The following ABI3BP variants were observed in gnomAD, a reference collection of about 807,000 sequenced individuals.
The protein encoded by ABI3BP is ABI family member 3 binding protein.
In ABI3BP, 216 loss-of-function variants were observed where a neutral mutation model predicts 268.6. The observed-to-expected ratio is 0.80, with a 90% CI of 0.72 to 0.90. ABI3BP has a LOEUF of 0.90. ABI3BP is among the 40% of genes least tolerant of loss of function. The probability of loss-of-function intolerance (pLI) is 0.00; values close to 1 mark genes in which losing one functional copy is unlikely to be tolerated. For synonymous variants in ABI3BP, 730 were observed against 730.0 expected (o/e 1.00, Z 0.00); for missense variants, 2,090 against 2,182.4 (o/e 0.96, Z 0.84).
At chr3:100,902,337 A>C (rs1469095081) in intron 3 of ABI3BP, among the ~76,000 whole-genome samples, 1 of 152,212 alleles carries the variant, frequency 6.6e-6, no homozygotes, top group Middle Eastern at 3.2e-3. Flanking sequence ...TTAATCCTCA[A>C]GGACAACCCT....
At chr3:100,879,891 C>T (rs1162237912) in intron 6 of ABI3BP, among the ~76,000 whole-genome samples, 1 of 152,150 alleles carries the variant, frequency 6.6e-6, no homozygotes, top group Non-Finnish European at 1.5e-5. Flanking sequence ...TATGTCTCTG[C>T]CAACACCTCT....
intron 4 of ABI3BP, 110 bp from the exon 5 acceptor site, chr3:100,886,433 A>G (rs1194670144): frequency 2.7e-6 from 2 of 745,028 alleles, no homozygotes; most frequent in East Asian, 6.6e-5. Flanking sequence ...ACTATTTAAT[A>G]TTGGCTTCTC....
intron 51 of ABI3BP, among the ~76,000 whole-genome samples, chr3:100,798,454 C>T (rs1385500852): frequency 2.6e-5 from 4 of 151,954 alleles, no homozygotes; most frequent in South Asian, 2.1e-4. Context: ...AACAAGAGCA[C>T]GGTCCCTAAA....
chr3:100,770,066 G>A (rs2096492379), intron 62 of ABI3BP, among the ~76,000 whole-genome samples: 1 of 152,156 alleles, frequency 6.6e-6, no homozygotes, highest in Non-Finnish European at 1.5e-5. Context: ...CCAGGTACAT[G>A]GCAGGAACTT....
At position 100,810,406 on chromosome 3, in the gene ABI3BP, A is replaced by G. The variant is rs2097832443; in HGVS notation, c.3607+6T>C. 6.5e-7 allele frequency: 1 copy of G among 1,530,684 alleles called. No individual in the cohort carries two copies. Among genetic ancestry groups the G allele is most frequent in the East Asian group, 2.4e-5 (1 of 40,876 alleles). The allele number at this position is 1,530,684 out of a possible 1,614,324, so 94.8% of individuals were successfully genotyped here. The stretch of plus-strand genomic sequence containing the variant: ...TCATATATGACATACAAAATAATGT[A>G]TTTACCAGGTTCAGTCTGAGGCTCA... On this transcript the variant is annotated splice_donor_region_variant and intron_variant, in intron 49 of 67. Coordinates refer to ENST00000471714, the MANE Select transcript of ABI3BP (RefSeq NM_001375547.2).
chr3:100,796,557 A>C, intron 51 of ABI3BP, 89 bp from the exon 52 acceptor site: 1 of 973,934 alleles, frequency 1.0e-6, no homozygotes. Context: ...CCCAGAAAGC[A>C]TGAATGAAGC....
At chr3:100,785,049 A>G (rs7652511) in intron 57 of ABI3BP, among the ~76,000 whole-genome samples, 15,777 of 152,208 alleles carry the variant, frequency 0.1, 1,311 homozygotes, top group African/African-American at 0.22. Flanking sequence ...CCCAAAAACC[A>G]TTGAAATAAA....
At chr3:100,925,436 A>AAAT (rs34545332) in intron 2 of ABI3BP, among the ~76,000 whole-genome samples, 1 of 151,786 alleles carries the variant, frequency 6.6e-6, no homozygotes, top group African/African-American at 2.4e-5. Context: ...TTTATTTGAC[A>AAAT]GAGTCTCACT....
chr3:100,792,832 A>C, intron 54 of ABI3BP, 64 bp from the exon 55 acceptor site: 1 of 1,384,792 alleles, frequency 7.2e-7, no homozygotes, highest in Non-Finnish European at 1.0e-6. Flanking sequence ...GACCAAAAAA[A>C]CCCATACTCT....
At chr3:100,980,665 A>G (rs962353906) in intron 1 of ABI3BP, among the ~76,000 whole-genome samples, 22 of 152,224 alleles carry the variant, frequency 1.4e-4, no homozygotes, top group Admixed American at 1.1e-3. Flanking sequence ...AGCAAAGAAG[A>G]CAGCCAGCCA....
At chr3:100,897,030 T>C (rs1358663355) in intron 4 of ABI3BP, among the ~76,000 whole-genome samples, 1 of 152,148 alleles carries the variant, frequency 6.6e-6, no homozygotes, top group African/African-American at 2.4e-5. Flanking sequence ...TTCATTTTAG[T>C]TTGATTTGGA....
chr3:100,803,733 GTGAGA>G (rs1415957520), intron 51 of ABI3BP, among the ~76,000 whole-genome samples: 3 of 152,176 alleles, frequency 2.0e-5, no homozygotes, highest in Non-Finnish European at 4.4e-5. Context: ...TCTTTTGCAA[GTGAGA>G]TGAGGTTTTT....
chr3:100,885,172 A>T (rs2041340553), intron 6 of ABI3BP, among the ~76,000 whole-genome samples: 2 of 152,102 alleles, frequency 1.3e-5, no homozygotes, highest in Admixed American at 6.6e-5. Context: ...AGAAAATAGA[A>T]AGGAAAGGTT....
At chr3:100,896,216 G>A (rs543912648) in intron 4 of ABI3BP, among the ~76,000 whole-genome samples, 2 of 152,134 alleles carry the variant, frequency 1.3e-5, no homozygotes, top group Non-Finnish European at 1.5e-5. Context: ...GCCAGGGTGC[G>A]TGTGCAAGGG....
intron 32 of ABI3BP, among the ~76,000 whole-genome samples, chr3:100,830,324 A>C (rs2098470326): frequency 6.6e-6 from 1 of 151,512 alleles, no homozygotes; most frequent in Non-Finnish European, 1.5e-5. Flanking sequence ...AATGTGGTTA[A>C]AATGTTATGT....
At chr3:100,949,769 T>G (rs2074135149) in intron 1 of ABI3BP, among the ~76,000 whole-genome samples, 1 of 152,198 alleles carries the variant, frequency 6.6e-6, no homozygotes, top group Non-Finnish European at 1.5e-5. Flanking sequence ...TCCATGATCT[T>G]GAGATTCCTC....
At position 100,866,908 on chromosome 3, in the gene ABI3BP, A is replaced by G. The variant is rs376666268; in HGVS notation, c.959T>C (p.Val320Ala). ...TGTGGGTCGTGCTGAGATTTTTTCA[A>G]CCTCTGGTGTTTTAGATTCGGCAGG... Reference protein sequence around the residue: ...ALPAESKTPEVEKISARPTTV... With the variant: ...ALPAESKTPEAEKISARPTTV... Residue 320 changes from valine to alanine, a missense_variant, in exon 10 of 68, where the codon GTT (valine) becomes GCT (alanine). By Grantham distance (64) the Val-to-Ala change is moderately conservative. Coordinates refer to ENST00000471714, the MANE Select transcript of ABI3BP (RefSeq NM_001375547.2). 29 of 1,613,910 alleles carry G rather than the reference A, an allele frequency of 1.8e-5. No individual in the cohort carries two copies. In the African/African-American group the frequency reaches 1.9e-4, roughly 10 times the overall value.
rs764128683 is a variant in ABI3BP, at chr3:100,847,681, T to C, written c.1577-8A>G. The C allele has an allele frequency of 1.2e-6, 2 of 1,610,862 alleles. No homozygotes were observed. The highest frequency in any genetic ancestry group is 1.7e-6 in the Non-Finnish European group (2 of 1,177,300). ...CGGCACTTGTGGTTCTTTCTGGTGA[T>C]GGAAAGGAAAAAAATATTGAAATAT... On this transcript the variant is annotated splice_polypyrimidine_tract_variant and splice_region_variant and intron_variant, in intron 18 of 67. Transcript: ENST00000471714.
rs77342592 is a variant in ABI3BP, at chr3:100,870,937, C to A, written c.910+3904G>T. Among the ~76,000 whole-genome samples, 1,310 of 151,970 alleles carry A rather than the reference C, an allele frequency of 8.6e-3. 20 individuals carry two copies. The highest frequency in any genetic ancestry group is 0.029 in the African/African-American group (1,221 of 41,426). The stretch of plus-strand genomic sequence containing the variant: ...TATGCTAAATGATATAAGCCAAGCA[C>A]AGAAAGAAAAACACTGCATGATTTC... On this transcript the variant is annotated intron_variant, in intron 9 of 67. Transcript: ENST00000471714.
Sources: allele counts gnomAD v4.1 joint callset (sites outside exome capture counted in the v4.1 genomes callset), GRCh38; gene constraint gnomAD v4.1.1; transcripts MANE v1.5; gene names NCBI Gene and HGNC (gene_info 2026-07-23, HGNC 2026-07-21).